Variants in FTO observed in about 807,000 individuals in gnomAD.
The protein encoded by FTO is FTO alpha-ketoglutarate dependent dioxygenase, also known as alpha-ketoglutarate-dependent dioxygenase FTO.
Under a neutral mutation model 63.9 loss-of-function variants are expected in FTO, and 47 were observed. The observed-to-expected ratio is 0.74, with a 90% CI of 0.58 to 0.94. The LOEUF (loss-of-function observed/expected upper bound fraction) is 0.94, where lower values mean the gene tolerates loss of function less well. FTO is among the 40% of genes least tolerant of loss of function. The pLI is 0.00. For missense variants in FTO, 562 were observed against 618.1 expected (o/e 0.91, Z 0.96); for synonymous variants, 207 against 224.4 (o/e 0.92, Z 0.69).
chr16:53,828,377 G>A (rs917905423), intron 3 of FTO, among the ~76,000 whole-genome samples: 1 of 151,992 alleles, frequency 6.6e-6, no homozygotes, highest in Non-Finnish European at 1.5e-5. Context: ...CCGCCACCAC[G>A]CCCGGCTAAT....
chr16:53,738,865 G>A (rs1023772775), intron 1 of FTO, among the ~76,000 whole-genome samples: 2 of 151,872 alleles, frequency 1.3e-5, no homozygotes, highest in African/African-American at 4.8e-5. Flanking sequence ...TTTTGAGATA[G>A]GGTCTCACTC....
At chr16:53,925,064 T>C (rs1599006252) in intron 7 of FTO, among the ~76,000 whole-genome samples, 1 of 149,940 alleles carries the variant, frequency 6.7e-6, no homozygotes, top group South Asian at 2.1e-4. Flanking sequence ...TCTTTCTTTT[T>C]TTTGTAAAAA....
intron 8 of FTO, among the ~76,000 whole-genome samples, chr16:54,011,156 T>C (rs1417244333): frequency 1.3e-5 from 2 of 152,176 alleles, no homozygotes; most frequent in Non-Finnish European, 2.9e-5. Context: ...TCACCATTGC[T>C]CTTTTTAATA....
At chr16:53,748,399 C>T (rs964112918) in intron 1 of FTO, among the ~76,000 whole-genome samples, 2 of 151,820 alleles carry the variant, frequency 1.3e-5, no homozygotes, top group African/African-American at 4.8e-5. Flanking sequence ...AAATTTATTC[C>T]TAAGTATTAT....
intron 8 of FTO, among the ~76,000 whole-genome samples, chr16:53,983,451 T>C (rs1219632253): frequency 6.6e-6 from 1 of 152,094 alleles, no homozygotes; most frequent in African/African-American, 2.4e-5. Context: ...GTGGCATACA[T>C]TGTTCTGAAA....
intron 1 of FTO, among the ~76,000 whole-genome samples, chr16:53,770,530 G>A (rs2077310031): frequency 6.6e-6 from 1 of 152,036 alleles, no homozygotes; most frequent in Non-Finnish European, 1.5e-5. Flanking sequence ...GGCCTACAGA[G>A]GTCTTAACAT....
At chr16:53,859,514 AAT>A (rs1395108433) in intron 4 of FTO, among the ~76,000 whole-genome samples, 2 of 148,860 alleles carry the variant, frequency 1.3e-5, no homozygotes, top group Admixed American at 6.7e-5. Flanking sequence ...ATATCATATA[AAT>A]ATATATCACT....
chr16:53,767,265 G>A (rs2077230450), intron 1 of FTO, among the ~76,000 whole-genome samples: 1 of 152,128 alleles, frequency 6.6e-6, no homozygotes, highest in African/African-American at 2.4e-5. Flanking sequence ...CCTTAAAGAT[G>A]GGAACCTAAT....
chr16:53,707,894 C>T (rs959974575), intron 1 of FTO, among the ~76,000 whole-genome samples: 1 of 152,192 alleles, frequency 6.6e-6, no homozygotes, highest in Non-Finnish European at 1.5e-5. Context: ...TCTACTTCCT[C>T]CCTAGGGAAC....
intron 2 of FTO, among the ~76,000 whole-genome samples, chr16:53,813,176 A>C (rs918816599): frequency 6.6e-6 from 1 of 151,770 alleles, no homozygotes; most frequent in African/African-American, 2.4e-5. Flanking sequence ...CCTGATACTA[A>C]TATCTAATCA....
chr16:53,853,289 A>G (rs1955750859), intron 4 of FTO, among the ~76,000 whole-genome samples: 1 of 152,250 alleles, frequency 6.6e-6, no homozygotes, highest in Non-Finnish European at 1.5e-5. Context: ...TGGGTGACAG[A>G]GCAGGACTTT....
chr16:53,873,721 A>C (rs576609285), intron 4 of FTO, 65 bp from the exon 5 acceptor site: 1 of 1,240,746 alleles, frequency 8.1e-7, no homozygotes, highest in Non-Finnish European at 1.2e-6. Context: ...GTTTTAGTTA[A>C]ATAATATATA....
At chr16:53,796,501 G>C (rs543285557) in intron 1 of FTO, among the ~76,000 whole-genome samples, 8 of 152,264 alleles carry the variant, frequency 5.3e-5, no homozygotes, top group African/African-American at 1.9e-4. Flanking sequence ...TAAGAAGGGA[G>C]AAGTAAATTA....
At chr16:53,944,675 A>G (rs1296528424) in intron 8 of FTO, among the ~76,000 whole-genome samples, 3 of 152,034 alleles carry the variant, frequency 2.0e-5, no homozygotes, top group South Asian at 2.1e-4. Flanking sequence ...CTGAGCCTCA[A>G]TTTTCTCGTT....
chr16:53,938,533 G>T (rs563605224), intron 8 of FTO, among the ~76,000 whole-genome samples: 2 of 152,330 alleles, frequency 1.3e-5, no homozygotes, highest in South Asian at 4.1e-4. Context: ...AAGGGAGAAT[G>T]ATTTCATTCA....
At chr16:53,778,200 C>T (rs2077505965) in intron 1 of FTO, among the ~76,000 whole-genome samples, 2 of 152,120 alleles carry the variant, frequency 1.3e-5, no homozygotes, top group South Asian at 4.1e-4. Flanking sequence ...TCTATTAAAA[C>T]AGCCTGCTCA....
chr16:53,733,945 A>G (rs1344998954), intron 1 of FTO, among the ~76,000 whole-genome samples: 2 of 152,244 alleles, frequency 1.3e-5, no homozygotes, highest in Non-Finnish European at 2.9e-5. Context: ...AAACTTCACT[A>G]AAGTACACAA....
chr16:53,748,749 C>T (rs917768443), intron 1 of FTO, among the ~76,000 whole-genome samples: 1 of 151,572 alleles, frequency 6.6e-6, no homozygotes, highest in Admixed American at 6.6e-5. Context: ...TGGCCTGTAG[C>T]TATTTTATTT....
intron 8 of FTO, among the ~76,000 whole-genome samples, chr16:54,061,089 G>A (rs2144387429): frequency 6.6e-6 from 1 of 152,288 alleles, no homozygotes; most frequent in African/African-American, 2.4e-5. Context: ...GGAGCTCTCG[G>A]AATCCCTTGA....
Sources: allele counts gnomAD v4.1 joint callset (sites outside exome capture counted in the v4.1 genomes callset), GRCh38; gene constraint gnomAD v4.1.1; transcripts MANE v1.5; gene names NCBI Gene and HGNC (gene_info 2026-07-23, HGNC 2026-07-21).